Variants in OSBPL8 observed in about 807,000 individuals in gnomAD.
OSBPL8 encodes oxysterol binding protein like 8.
In OSBPL8, 59 loss-of-function variants were observed where a neutral mutation model predicts 125.5. The ratio of observed to expected loss-of-function variants is 0.47; its 90% CI spans 0.38 to 0.58. OSBPL8 has a LOEUF of 0.58. OSBPL8 is among the 20% of genes least tolerant of loss of function. The pLI is 0.00. For missense variants in OSBPL8, 758 were observed against 1,047.8 expected, an observed-to-expected ratio of 0.72 and a Z score of 3.82; for synonymous variants, 330 against 338.9, an observed-to-expected ratio of 0.97 and a Z score of 0.29.
At chr12:76,372,909 T>C (rs1424763721) in intron 18 of OSBPL8, among the ~76,000 whole-genome samples, 1 of 152,114 alleles carries the variant, frequency 6.6e-6, no homozygotes, top group Non-Finnish European at 1.5e-5. Context: ...GGGGCCAGGG[T>C]TCCTGGGCTT....
intron 1 of OSBPL8, among the ~76,000 whole-genome samples, chr12:76,521,413 A>G (rs1336527975): frequency 6.6e-6 from 1 of 152,188 alleles, no homozygotes; most frequent in African/African-American, 2.4e-5. Context: ...AAGATTAAAA[A>G]ACAGAATTAC....
chr12:76,418,759 G>A (rs1004439624), intron 4 of OSBPL8, among the ~76,000 whole-genome samples: 5 of 152,148 alleles, frequency 3.3e-5, no homozygotes, highest in African/African-American at 1.2e-4. Flanking sequence ...TTGAACCCCA[G>A]GAGGCGGAGG....
rs776668305 is a variant in OSBPL8, at chr12:76,386,119, T to G, written c.1533+49A>C. 5 of 1,565,974 alleles carry G rather than the reference T, an allele frequency of 3.2e-6. No homozygotes were observed. The South Asian group carries it at 4.8e-5, about 15-fold the overall frequency. On this transcript the variant is annotated intron_variant, in intron 14 of 23. Coordinates refer to ENST00000261183, the MANE Select transcript of OSBPL8 (RefSeq NM_020841.5). ...GGGTAAATATTTTCTATAAAAATAT[T>G]CCAATAACTTCCAGATCAGTTTTGT...
chr12:76,476,864 T>C (rs12821315), intron 2 of OSBPL8, among the ~76,000 whole-genome samples: 31,060 of 152,136 alleles, frequency 0.2, 3,417 homozygotes, highest in Non-Finnish European at 0.26. Context: ...AAACCTATTA[T>C]TTGCAGATGA....
chr12:76,508,383 G>A (rs1458239360), intron 1 of OSBPL8, among the ~76,000 whole-genome samples: 1 of 152,164 alleles, frequency 6.6e-6, no homozygotes, highest in Non-Finnish European at 1.5e-5. Context: ...TATGGCAGTG[G>A]TCTCATTAAG....
At chr12:76,385,840 C>T (rs530156797) in intron 14 of OSBPL8, among the ~76,000 whole-genome samples, 2 of 151,090 alleles carry the variant, frequency 1.3e-5, no homozygotes, top group South Asian at 2.1e-4. Context: ...ATGAATGCCA[C>T]ACCACTGAAT....
At chr12:76,403,570 G>A (rs1954136832) in intron 5 of OSBPL8, among the ~76,000 whole-genome samples, 1 of 152,094 alleles carries the variant, frequency 6.6e-6, no homozygotes, top group Non-Finnish European at 1.5e-5. Flanking sequence ...GAGTAGAAAA[G>A]CACAAAAGTT....
chr12:76,394,091 C>T (rs1379641043), intron 9 of OSBPL8, among the ~76,000 whole-genome samples: 1 of 152,002 alleles, frequency 6.6e-6, no homozygotes, highest in Non-Finnish European at 1.5e-5. Context: ...ATTCCCTATA[C>T]CAACCTTGTC....
chr12:76,426,102 A>C (rs375724114), intron 4 of OSBPL8, among the ~76,000 whole-genome samples: 4 of 152,172 alleles, frequency 2.6e-5, no homozygotes, highest in African/African-American at 9.6e-5. Context: ...TTGGTATGTA[A>C]ATGAACAGAA....
intron 1 of OSBPL8, among the ~76,000 whole-genome samples, chr12:76,518,603 C>A (rs963099580): frequency 5.3e-5 from 8 of 152,374 alleles, no homozygotes; most frequent in Middle Eastern, 3.4e-3. Context: ...GTGAGGGCTC[C>A]ACCCCTGAGG....
rs191610529 is a variant in OSBPL8, at chr12:76,371,207, T to C, written c.2054+241A>G. 4.4e-5 allele frequency: 14 copies of C among 316,978 alleles called. No individual in the cohort carries two copies. In the Admixed American group the frequency reaches 6.7e-4, roughly 15 times the overall value. The allele number at this position is 316,978 out of a possible 1,614,324, so 19.6% of individuals were successfully genotyped here. A position where few individuals can be genotyped will look rare whatever the true frequency, so the allele number is the denominator to read the frequency against. On this transcript the variant is annotated intron_variant, in intron 19 of 23. Coordinates refer to ENST00000261183, the MANE Select transcript of OSBPL8 (RefSeq NM_020841.5). Reference sequence around the variant, plus strand: ...AAAACGTTCTTTCTTTCTTTTTTTTTAAGGTGCTGGAACAATTGAGAAAGA... The same window carrying C: ...AAAACGTTCTTTCTTTCTTTTTTTTCAAGGTGCTGGAACAATTGAGAAAGA...
At chr12:76,378,618 AT>A in intron 15 of OSBPL8, 68 bp from the exon 16 acceptor site, 2 of 1,078,384 alleles carry the variant, frequency 1.9e-6, no homozygotes, top group Non-Finnish European at 1.4e-6. Context: ...AACAAAATAT[AT>A]TTAGAACACC....
Position 76,471,182 on chromosome 12 carries a change from G to A in OSBPL8, c.43-11287C>T, listed in dbSNP as rs115462498. Among the ~76,000 whole-genome samples, 491 of 152,228 alleles carry A rather than the reference G, an allele frequency of 3.2e-3. 7 individuals carry two copies. Among genetic ancestry groups the A allele is most frequent in the African/African-American group, 0.011 (447 of 41,544 alleles). On this transcript the variant is annotated intron_variant, in intron 2 of 23. Transcript: ENST00000261183. ...TCGGTTTCTTCATCTCTTAAAAACA[G>A]AGTAACATCTACCTTACAGTATTAT... is the stretch of plus-strand genomic sequence containing the variant.
chr12:76,392,892 T>TGAACA, intron 9 of OSBPL8, 140 bp from the exon 10 acceptor site: 1 of 840,848 alleles, frequency 1.2e-6, no homozygotes. Context: ...TTGCTAGAAT[T>TGAACA]TAATGAAATC....
At chr12:76,390,113 C>T in intron 11 of OSBPL8, 2 of 414,060 alleles carry the variant, frequency 4.8e-6, no homozygotes, top group Non-Finnish European at 8.5e-6. Context: ...CTGGCAATAA[C>T]AAAGTTATAA....
chr12:76,372,865 G>A (rs1240784389), intron 18 of OSBPL8, among the ~76,000 whole-genome samples: 2 of 152,130 alleles, frequency 1.3e-5, no homozygotes, highest in Non-Finnish European at 2.9e-5. Context: ...TTTCTTCTAT[G>A]TGAGTAGAGT....
intron 2 of OSBPL8, among the ~76,000 whole-genome samples, chr12:76,470,480 TTC>T (rs1876001936): frequency 6.6e-6 from 1 of 152,192 alleles, no homozygotes; most frequent in African/African-American, 2.4e-5. Context: ...TACGACCTGT[TTC>T]ACGCATTTCA....
chr12:76,488,003 A>T (rs1878337003), intron 1 of OSBPL8, among the ~76,000 whole-genome samples: 1 of 152,230 alleles, frequency 6.6e-6, no homozygotes, highest in South Asian at 2.1e-4. Flanking sequence ...TACTTTTGTT[A>T]TGAGAATATA....
intron 4 of OSBPL8, among the ~76,000 whole-genome samples, chr12:76,412,648 C>A (rs895959915): frequency 6.6e-6 from 1 of 152,000 alleles, no homozygotes; most frequent in South Asian, 2.1e-4. Flanking sequence ...TGTGAGAACC[C>A]GAGTGTGACA....
Sources: gnomAD v4.1 joint callset for allele counts (sites outside exome capture counted in the v4.1 genomes callset) on GRCh38, gnomAD v4.1.1 for gene constraint, MANE v1.5 for transcripts, NCBI Gene and HGNC (gene_info 2026-07-23, HGNC 2026-07-21) for gene names.